The following C8orf34 variants were observed in gnomAD, a reference collection of about 807,000 sequenced individuals.
C8orf34 encodes the protein uncharacterized protein C8orf34.
C8orf34 carries 65 observed loss-of-function variants against 68.3 expected under a neutral mutation model. That is an observed-to-expected ratio of 0.95 (90% CI 0.78 to 1.17). The LOEUF is 1.17. Ranked by LOEUF, C8orf34 falls within the 50% of genes most tolerant of loss-of-function variation. The pLI is 0.00. For synonymous variants in C8orf34, 244 were observed against 241.2 expected (o/e 1.01, Z -0.11); for missense variants, 664 against 655.4 (o/e 1.01, Z -0.14).
At chr8:68,574,378 C>T (rs992774414) in intron 7 of C8orf34, among the ~76,000 whole-genome samples, 1 of 151,992 alleles carries the variant, frequency 6.6e-6, no homozygotes, top group Middle Eastern at 3.2e-3. Flanking sequence ...AAATTATTCA[C>T]CTACCTGACA....
chr8:68,715,660 A>T (rs1821451109), intron 9 of C8orf34, among the ~76,000 whole-genome samples: 2 of 152,072 alleles, frequency 1.3e-5, no homozygotes, highest in South Asian at 4.1e-4. Flanking sequence ...AAAAATAAAA[A>T]AAAAAAAGAT....
intron 12 of C8orf34, among the ~76,000 whole-genome samples, chr8:68,797,808 A>G (rs898392862): frequency 2.6e-5 from 4 of 152,196 alleles, no homozygotes; most frequent in Admixed American, 6.5e-5. Context: ...TCAGGGCTTC[A>G]TGAGGATTGT....
At chr8:68,783,756 C>A (rs1194862645) in intron 11 of C8orf34, among the ~76,000 whole-genome samples, 1 of 151,926 alleles carries the variant, frequency 6.6e-6, no homozygotes, top group Non-Finnish European at 1.5e-5. Context: ...AGCTGTGCCC[C>A]AACCACCTCG....
intron 5 of C8orf34, among the ~76,000 whole-genome samples, 175 bp downstream of exon 5, chr8:68,488,226 A>AAT (rs938416862): frequency 6.6e-6 from 1 of 152,154 alleles, no homozygotes; most frequent in African/African-American, 2.4e-5. Flanking sequence ...TATTCCATTA[A>AAT]ATATATATAT....
At chr8:68,463,427 C>T (rs936277262) in intron 3 of C8orf34, among the ~76,000 whole-genome samples, 6 of 152,198 alleles carry the variant, frequency 3.9e-5, no homozygotes, top group Non-Finnish European at 7.3e-5. Context: ...GGGAATCCTC[C>T]CTAACTCATT....
chr8:68,561,421 AT>A (rs1412629197), intron 7 of C8orf34, among the ~76,000 whole-genome samples: 1 of 152,168 alleles, frequency 6.6e-6, no homozygotes, highest in East Asian at 1.9e-4. Context: ...TATTTACAAA[AT>A]TTTTAACTTT....
rs575562691 is a variant in C8orf34 at position 68,714,473 on chromosome 8, T to C, written c.1327+5394T>C. On this transcript the variant is annotated intron_variant, in intron 9 of 13. Transcript: ENST00000518698. ...TGTACGCATATCAGTAGCTCTGCTGTACACCAACAGCGACCAAGCTGGACA... is the reference window on the plus strand; with the variant it reads ...TGTACGCATATCAGTAGCTCTGCTGCACACCAACAGCGACCAAGCTGGACA... Among the ~76,000 whole-genome samples the C allele has an allele frequency of 3.9e-5, 6 of 152,220 alleles. No homozygotes were observed. In the East Asian group the frequency reaches 1.2e-3, roughly 29 times the overall value.
intron 1 of C8orf34, among the ~76,000 whole-genome samples, chr8:68,384,308 T>G (rs1808163999): frequency 6.6e-6 from 1 of 152,216 alleles, no homozygotes; most frequent in South Asian, 2.1e-4. Flanking sequence ...CAATGGCTTT[T>G]GCCAGTTTAG....
At chr8:68,733,167 T>C (rs190478666) in intron 10 of C8orf34, among the ~76,000 whole-genome samples, 1 of 152,376 alleles carries the variant, frequency 6.6e-6, no homozygotes, top group Admixed American at 6.5e-5. Flanking sequence ...CTATGTATAA[T>C]ATTGTCACAG....
At chr8:68,471,371 A>T (rs1183873454) in intron 4 of C8orf34, among the ~76,000 whole-genome samples, 1 of 152,156 alleles carries the variant, frequency 6.6e-6, no homozygotes, top group Non-Finnish European at 1.5e-5. Flanking sequence ...TCTTAGGCAC[A>T]ACATGTTTAC....
At chr8:68,695,482 C>T (rs538053984) in intron 8 of C8orf34, among the ~76,000 whole-genome samples, 2 of 152,222 alleles carry the variant, frequency 1.3e-5, no homozygotes, top group African/African-American at 4.8e-5. Flanking sequence ...ATCTTCAATG[C>T]TACATTAAAA....
intron 7 of C8orf34, chr8:68,534,573 G>C (rs1280457243): frequency 2.1e-6 from 2 of 945,184 alleles, no homozygotes; most frequent in Non-Finnish European, 2.5e-6. Context: ...ACCCAGGAAT[G>C]TTTCCTAGAG....
At chr8:68,726,808 C>T (rs1015478414) in intron 10 of C8orf34, among the ~76,000 whole-genome samples, 3 of 151,826 alleles carry the variant, frequency 2.0e-5, no homozygotes, top group Admixed American at 6.6e-5. Context: ...TTCACTATCA[C>T]GAGAATAGCA....
intron 5 of C8orf34, among the ~76,000 whole-genome samples, chr8:68,513,332 A>C (rs1814361184): frequency 6.6e-6 from 1 of 152,168 alleles, no homozygotes; most frequent in Non-Finnish European, 1.5e-5. Context: ...GAAGAAGAAA[A>C]CCTAGTTGCT....
rs940441908 is a variant in C8orf34 at position 68,464,887 on chromosome 8, T to C, written c.608-3805T>C. Among the ~76,000 whole-genome samples the C allele has an allele frequency of 4.0e-4, 61 of 152,156 alleles. 1 individual carries two copies. The highest frequency in any genetic ancestry group is 1.4e-3 in the African/African-American group (58 of 41,442). On this transcript the variant is annotated intron_variant, in intron 3 of 13. Coordinates refer to ENST00000518698, the MANE Select transcript of C8orf34 (RefSeq NM_052958.4). ...GGCAATACCATTCAGGACATAGGCATGTGCAAGGACTTCATGTCTAAAACA... is the reference window on the plus strand; with the variant it reads ...GGCAATACCATTCAGGACATAGGCACGTGCAAGGACTTCATGTCTAAAACA...
chr8:68,461,912 A>G (rs531645586), intron 3 of C8orf34, among the ~76,000 whole-genome samples: 13 of 152,322 alleles, frequency 8.5e-5, no homozygotes, highest in African/African-American at 3.1e-4. Context: ...CTAACATCAT[A>G]ATGACAGGAT....
intron 8 of C8orf34, among the ~76,000 whole-genome samples, chr8:68,665,770 C>A (rs566164942): frequency 2.0e-5 from 3 of 152,158 alleles, no homozygotes. Flanking sequence ...ATGACCCCAA[C>A]CCTGTTACAC....
chr8:68,553,405 A>ACAAAAAAC (rs1554577325), intron 7 of C8orf34, among the ~76,000 whole-genome samples: 4 of 141,052 alleles, frequency 2.8e-5, no homozygotes, highest in African/African-American at 1.1e-4. Context: ...AAAAAAAAAA[A>ACAAAAAAC]AAAAACATAT....
At chr8:68,333,811 T>C (rs1805732860) in intron 1 of C8orf34, among the ~76,000 whole-genome samples, 1 of 152,232 alleles carries the variant, frequency 6.6e-6, no homozygotes, top group Admixed American at 6.5e-5. Context: ...ACTCACAAAT[T>C]GAAATTGGCC....
Sources: allele counts gnomAD v4.1 joint callset (sites outside exome capture counted in the v4.1 genomes callset), GRCh38; gene constraint gnomAD v4.1.1; transcripts MANE v1.5; gene names NCBI Gene and HGNC (gene_info 2026-07-23, HGNC 2026-07-21).